The following SEMA5B variants were observed in gnomAD, a reference collection of about 807,000 sequenced individuals.
The protein encoded by SEMA5B is semaphorin-5B.
Under a neutral mutation model 135.0 loss-of-function variants are expected in SEMA5B, and 66 were observed. That is an observed-to-expected ratio of 0.49 (90% CI 0.40 to 0.60). The LOEUF (loss-of-function observed/expected upper bound fraction) is 0.60, where lower values mean the gene tolerates loss of function less well. SEMA5B is among the 20% of genes least tolerant of loss of function. The pLI, the probability that SEMA5B is intolerant of heterozygous loss-of-function variation, is 0.00. For synonymous variants in SEMA5B, 690 were observed against 639.5 expected, an observed-to-expected ratio of 1.08 and a Z score of -1.19; for missense variants, 1,501 against 1,566.3, an observed-to-expected ratio of 0.96 and a Z score of 0.70.
chr3:122,981,934 T>C (rs1941533002), intron 1 of SEMA5B, among the ~76,000 whole-genome samples: 1 of 152,202 alleles, frequency 6.6e-6, no homozygotes, highest in Admixed American at 6.5e-5. Context: ...CGTTTGGCCA[T>C]GTTACCATGG....
Position 122,983,621 on chromosome 3 carries a change from G to A in SEMA5B, c.-38-22320C>T, listed in dbSNP as rs149197217. On this transcript the variant is annotated intron_variant, in intron 1 of 22. Transcript: ENST00000357599. ...TAGTCCCAGCTACTCGGGAGGCTGA[G>A]GCAGGAGAATGGCGTGAACCCGGGA... Among the ~76,000 whole-genome samples, 972 of 150,352 alleles carry A rather than the reference G, an allele frequency of 6.5e-3. 11 individuals carry two copies. Among genetic ancestry groups the A allele is most frequent in the African/African-American group, 0.022 (917 of 40,970 alleles).
At position 122,926,577 on chromosome 3, in the gene SEMA5B, G is replaced by A. The variant is rs1560306851; in HGVS notation, c.951C>T (p.Arg317=). The change falls in exon 9 of 23, where the codon CGC becomes CGT. Residue 317 remains arginine, a synonymous_variant. Coordinates refer to ENST00000357599, the MANE Select transcript of SEMA5B (RefSeq NM_001031702.4). ...EHDCGRTVYS[R]VARVCKNDVG... is the part of the protein sequence containing the mutation. ...CGTCATTCTTGCACACGCGGGCCAC[G>A]CGAGAGTACACGGTGCGTCCACAGT... 2.5e-6 allele frequency: 4 copies of A among 1,614,180 alleles called. No homozygotes were observed. Among genetic ancestry groups the A allele is most frequent in the Non-Finnish European group, 2.5e-6 (3 of 1,180,030 alleles).
At chr3:122,947,070 C>G (rs1341411668) in intron 3 of SEMA5B, among the ~76,000 whole-genome samples, 1 of 151,942 alleles carries the variant, frequency 6.6e-6, no homozygotes, top group Non-Finnish European at 1.5e-5. Flanking sequence ...CAATATTGCC[C>G]CCAACAAAGC....
At chr3:122,912,369 G>C (rs1386503921) in intron 18 of SEMA5B, 27 bp from the exon 19 acceptor site, 2 of 1,536,862 alleles carry the variant, frequency 1.3e-6, no homozygotes, top group East Asian at 2.4e-5. Flanking sequence ...TGTGTGAGGG[G>C]CTGTAGGGGC....
chr3:122,912,872 T>C lies in SEMA5B; in HGVS notation c.2696A>G (p.Tyr899Cys). Residue 899 changes from tyrosine to cysteine, a missense_variant, in exon 18 of 23, where the codon TAC (tyrosine) becomes TGC (cysteine). Physicochemically the swap from Tyr to Cys is radical, Grantham distance 194. Around this residue, in one of 2 missense-constraint regions of SEMA5B, gnomAD observed 927 missense variants for 881.6 expected, o/e 1.05. Transcript: ENST00000357599. ...GLPCVGDAAE[Y>C]QDCNPQACPV... is the part of the protein sequence containing the mutation. Reference sequence around the variant, plus strand: ...GCAAGCCTGGGGGTTGCAGTCCTGGTACTCGGCAGCATCGCCCACGCAGGG... The same window carrying C: ...GCAAGCCTGGGGGTTGCAGTCCTGGCACTCGGCAGCATCGCCCACGCAGGG... 6.2e-7 allele frequency: 1 copy of C among 1,601,866 alleles called. No homozygotes were observed. Among genetic ancestry groups the C allele is most frequent in the East Asian group, 2.3e-5 (1 of 43,950 alleles).
chr3:122,992,535 T>C (rs564892381), intron 1 of SEMA5B, among the ~76,000 whole-genome samples: 175 of 152,256 alleles, frequency 1.1e-3, no homozygotes, highest in African/African-American at 4.1e-3. Context: ...AGGGAAGCAG[T>C]AGGAGAAACT....
At chr3:122,927,343 C>A (rs1393579445) in intron 8 of SEMA5B, among the ~76,000 whole-genome samples, 1 of 152,150 alleles carries the variant, frequency 6.6e-6, no homozygotes. Context: ...TGCATCACCA[C>A]GCCTGGCTGA....
chr3:122,971,311 G>A (rs1941105030), intron 1 of SEMA5B, among the ~76,000 whole-genome samples: 1 of 152,258 alleles, frequency 6.6e-6, no homozygotes, highest in African/African-American at 2.4e-5. Flanking sequence ...TGAATTATTT[G>A]TTGAATGAGA....
At chr3:122,989,785 G>A (rs1412881520) in intron 1 of SEMA5B, among the ~76,000 whole-genome samples, 1 of 152,196 alleles carries the variant, frequency 6.6e-6, no homozygotes, top group African/African-American at 2.4e-5. Flanking sequence ...TGTCCGTTGA[G>A]CTTTTCAGAG....
At chr3:122,988,586 C>T (rs998945) in intron 1 of SEMA5B, among the ~76,000 whole-genome samples, 58,018 of 152,064 alleles carry the variant, frequency 0.38, 12,666 homozygotes, top group East Asian at 0.68. Flanking sequence ...CACTGGGGAG[C>T]CTCCTGCCAG....
chr3:122,975,484 C>T (rs545387562), intron 1 of SEMA5B: 147 of 157,520 alleles, frequency 9.3e-4, no homozygotes, highest in African/African-American at 3.4e-3. Context: ...ACAAAACATG[C>T]AGCCCTGGGC....
chr3:122,982,576 C>A (rs1351865468), intron 1 of SEMA5B, among the ~76,000 whole-genome samples: 1 of 152,188 alleles, frequency 6.6e-6, no homozygotes, highest in Non-Finnish European at 1.5e-5. Flanking sequence ...CATTCAACAG[C>A]CAACTTTTTA....
At chr3:122,953,619 T>C (rs1940153802) in intron 2 of SEMA5B, among the ~76,000 whole-genome samples, 1 of 152,174 alleles carries the variant, frequency 6.6e-6, no homozygotes, top group African/African-American at 2.4e-5. Flanking sequence ...TCTCCTCTAC[T>C]CAATTACCTT....
intron 5 of SEMA5B, among the ~76,000 whole-genome samples, chr3:122,929,444 C>T (rs1270724757): frequency 6.6e-6 from 1 of 152,218 alleles, no homozygotes; most frequent in African/African-American, 2.4e-5. Flanking sequence ...CTATTCTGTG[C>T]CAGATGGCCC....
chr3:122,923,007 C>T (rs1938445305), intron 10 of SEMA5B, among the ~76,000 whole-genome samples: 1 of 152,134 alleles, frequency 6.6e-6, no homozygotes, highest in Non-Finnish European at 1.5e-5. Flanking sequence ...ACTTTTTTGT[C>T]CAAGGTCACA....
At chr3:122,976,219 T>G (rs945921412) in intron 1 of SEMA5B, 9 of 1,434,932 alleles carry the variant, frequency 6.3e-6, no homozygotes, top group Non-Finnish European at 8.4e-6. Flanking sequence ...CAGCAGCATC[T>G]GCACCTCCTG....
At chr3:123,019,559 G>A (rs1201584658) in intron 1 of SEMA5B, among the ~76,000 whole-genome samples, 3 of 152,106 alleles carry the variant, frequency 2.0e-5, no homozygotes, top group South Asian at 2.1e-4. Flanking sequence ...ATTACACTCC[G>A]GCCTGGGTGA....
intron 1 of SEMA5B, among the ~76,000 whole-genome samples, chr3:122,970,762 C>G (rs904384877): frequency 1.3e-5 from 2 of 152,120 alleles, no homozygotes; most frequent in African/African-American, 4.8e-5. Flanking sequence ...CATGACTTGC[C>G]CAAGGTCGCA....
intron 3 of SEMA5B, among the ~76,000 whole-genome samples, chr3:122,946,342 G>A (rs1325566929): frequency 6.6e-6 from 1 of 152,104 alleles, no homozygotes; most frequent in Admixed American, 6.5e-5. Context: ...TTCTGTGACT[G>A]GCAGCTCCTC....
Sources: gnomAD v4.1 joint callset for allele counts (sites outside exome capture counted in the v4.1 genomes callset) on GRCh38, gnomAD v4.1.1 for gene constraint, gnomAD v4.1.1 regional missense constraint, MANE v1.5 for transcripts, NCBI Gene and HGNC (gene_info 2026-07-23, HGNC 2026-07-21) for gene names.